Variants in KCNQ5 observed in about 807,000 individuals in gnomAD.
KCNQ5 encodes potassium voltage-gated channel subfamily KQT member 5.
A neutral mutation model predicts 98.2 loss-of-function variants in KCNQ5; 30 were observed. That is an observed-to-expected ratio of 0.31 (90% CI 0.23 to 0.41). The LOEUF is 0.41. Among genes scored for constraint, KCNQ5 ranks in the 10% least tolerant of loss-of-function variants. KCNQ5 has a pLI of 1.00. For missense variants in KCNQ5, 835 were observed against 1,182.5 expected (o/e 0.71, Z 4.31); for synonymous variants, 458 against 449.4 (o/e 1.02, Z -0.24).
intron 1 of KCNQ5, among the ~76,000 whole-genome samples, chr6:72,680,406 A>G (rs1767648850): frequency 6.6e-6 from 1 of 152,212 alleles, no homozygotes; most frequent in South Asian, 2.1e-4. Context: ...TGGATATACC[A>G]CAGTTTGTTT....
intron 1 of KCNQ5, among the ~76,000 whole-genome samples, chr6:72,844,381 T>C (rs943432278): frequency 2.0e-4 from 30 of 152,196 alleles, no homozygotes; most frequent in African/African-American, 6.8e-4. Flanking sequence ...TCACCTTTGG[T>C]AAATAGGAGA....
chr6:72,760,151 G>T (rs950178356), intron 1 of KCNQ5, among the ~76,000 whole-genome samples: 1 of 152,066 alleles, frequency 6.6e-6, no homozygotes, highest in African/African-American at 2.4e-5. Flanking sequence ...CAAAGCAAGG[G>T]TATGCAACTA....
chr6:72,719,772 C>T (rs2154475302), intron 1 of KCNQ5, among the ~76,000 whole-genome samples: 1 of 152,288 alleles, frequency 6.6e-6, no homozygotes, highest in African/African-American at 2.4e-5. Flanking sequence ...TGCAGTGTCA[C>T]TCTCTCAGCA....
intron 9 of KCNQ5, among the ~76,000 whole-genome samples, chr6:73,124,972 TATATATATAC>T (rs1483945017): frequency 1.9e-4 from 6 of 32,394 alleles, no homozygotes; most frequent in South Asian, 2.7e-3. Flanking sequence ...TATATATATA[TATATATATAC>T]ACACACACAC....
At chr6:73,128,856 A>G (rs1458378941) in intron 9 of KCNQ5, among the ~76,000 whole-genome samples, 3 of 151,710 alleles carry the variant, frequency 2.0e-5, no homozygotes, top group Non-Finnish European at 4.4e-5. Flanking sequence ...ATTACATTAC[A>G]CTCTTGTGCT....
intron 3 of KCNQ5, among the ~76,000 whole-genome samples, chr6:73,061,337 T>C (rs150027925): frequency 6.6e-6 from 1 of 151,492 alleles, no homozygotes; most frequent in African/African-American, 2.4e-5. Flanking sequence ...TTTCAGCATT[T>C]ACCTTTTTAT....
chr6:73,155,377 C>T (rs1777319876), intron 10 of KCNQ5, among the ~76,000 whole-genome samples: 1 of 152,190 alleles, frequency 6.6e-6, no homozygotes, highest in African/African-American at 2.4e-5. Flanking sequence ...ACAAATTCAG[C>T]ACCTAGAAAT....
intron 1 of KCNQ5, among the ~76,000 whole-genome samples, chr6:72,975,559 G>A (rs1369450793): frequency 6.6e-6 from 1 of 152,074 alleles, no homozygotes; most frequent in African/African-American, 2.4e-5. Flanking sequence ...TCTATTCCTT[G>A]GGCAGGTACT....
chr6:72,832,817 A>G (rs1477694259), intron 1 of KCNQ5, among the ~76,000 whole-genome samples: 4 of 152,196 alleles, frequency 2.6e-5, no homozygotes, highest in Non-Finnish European at 4.4e-5. Context: ...AACTGAACAC[A>G]TATATGGTAA....
Position 73,133,538 on chromosome 6 carries a change from G to A in KCNQ5, c.1365G>A (p.Glu455=). Residue 455 remains glutamate (E), a synonymous_variant, in exon 10 of 14, where the codon GAG becomes GAA. Coordinates refer to ENST00000370398, the MANE Select transcript of KCNQ5 (RefSeq NM_019842.4). ...RRSPSTDITA[E]GSPTKVQKSW... ...CCCCAAGCACCGACATCACAGCCGA[G>A]GGCAGTCCCACCAAAGTGCAGAAGA... 6.2e-7 allele frequency: 1 copy of A among 1,614,200 alleles called. No individual in the cohort carries two copies. The highest frequency in any genetic ancestry group is 8.5e-7 in the Non-Finnish European group (1 of 1,180,034).
At chr6:72,743,360 AAAAC>A (rs1296492142) in intron 1 of KCNQ5, among the ~76,000 whole-genome samples, 7 of 151,894 alleles carry the variant, frequency 4.6e-5, no homozygotes, top group Non-Finnish European at 7.4e-5. Flanking sequence ...TTTAGTCATC[AAAAC>A]AATTTAATGA....
intron 11 of KCNQ5, among the ~76,000 whole-genome samples, chr6:73,189,475 A>G (rs917878073): frequency 1.3e-5 from 2 of 152,184 alleles, no homozygotes; most frequent in African/African-American, 4.8e-5. Context: ...AAGATAGACA[A>G]TGGATGTTTT....
At chr6:72,788,562 T>C (rs530186645) in intron 1 of KCNQ5, among the ~76,000 whole-genome samples, 29 of 152,386 alleles carry the variant, frequency 1.9e-4, no homozygotes, top group African/African-American at 6.0e-4. Flanking sequence ...TTATTTATTA[T>C]ACTATACAGC....
chr6:72,987,530 C>A lies in KCNQ5; in HGVS notation c.399-16378C>A, dbSNP rs368664773. The stretch of plus-strand genomic sequence containing the variant: ...TGTCCCCTTCGTTCAGCCGCCACCC[C>A]CTCCAAGCCCCGCAGCACGATTGCA... On this transcript the variant is annotated intron_variant, in intron 1 of 13. Coordinates refer to ENST00000370398, the MANE Select transcript of KCNQ5 (RefSeq NM_019842.4). 7.0e-5 allele frequency: 46 copies of A among 658,466 alleles called. No individual in the cohort carries two copies. The Middle Eastern group carries it at 8.5e-4, about 12-fold the overall frequency. 40.8% of individuals were successfully genotyped at this position (658,466 alleles called of 1,614,324 possible).
intron 1 of KCNQ5, among the ~76,000 whole-genome samples, chr6:72,717,718 C>G (rs1769717594): frequency 6.6e-6 from 1 of 152,164 alleles, no homozygotes; most frequent in South Asian, 2.1e-4. Flanking sequence ...GAATCGCTCT[C>G]CATGAGGCTG....
intron 1 of KCNQ5, among the ~76,000 whole-genome samples, chr6:72,899,334 T>C (rs570531307): frequency 1.3e-5 from 2 of 152,340 alleles, no homozygotes; most frequent in East Asian, 3.9e-4. Flanking sequence ...TCATCCTTTC[T>C]TGTTACATTT....
intron 1 of KCNQ5, among the ~76,000 whole-genome samples, chr6:72,729,485 G>A (rs985888972): frequency 1.5e-4 from 23 of 151,996 alleles, no homozygotes; most frequent in African/African-American, 5.6e-4. Context: ...ACAGGGTTTC[G>A]CCATGTTGGC....
At chr6:72,713,408 T>C (rs1769475013) in intron 1 of KCNQ5, among the ~76,000 whole-genome samples, 1 of 152,196 alleles carries the variant, frequency 6.6e-6, no homozygotes, top group Non-Finnish European at 1.5e-5. Flanking sequence ...AAAAATTTTC[T>C]ACCTTCATCA....
At chr6:72,767,410 T>C (rs1410320641) in intron 1 of KCNQ5, among the ~76,000 whole-genome samples, 1 of 151,962 alleles carries the variant, frequency 6.6e-6, no homozygotes, top group Admixed American at 6.6e-5. Context: ...GAGTAAATCA[T>C]TATAATCTTG....
Sources: allele counts gnomAD v4.1 joint callset (sites outside exome capture counted in the v4.1 genomes callset), GRCh38; gene constraint gnomAD v4.1.1; transcripts MANE v1.5; gene names NCBI Gene and HGNC (gene_info 2026-07-23, HGNC 2026-07-21).